MTA3: variants seen among roughly 807,000 people sequenced by gnomAD.
MTA3 encodes the protein metastasis-associated protein MTA3.
A neutral mutation model predicts 83.5 loss-of-function variants in MTA3; 34 were observed. The observed-to-expected ratio is 0.41, with a 90% CI of 0.31 to 0.54. The LOEUF is 0.54. Ranked by LOEUF, MTA3 falls within the 20% of genes least tolerant of loss-of-function variation. The pLI is 0.33. For missense variants in MTA3, 761 were observed against 726.4 expected, an observed-to-expected ratio of 1.05 and a Z score of -0.55; for synonymous variants, 303 against 252.7, an observed-to-expected ratio of 1.20 and a Z score of -1.89.
intron 11 of MTA3, chr2:42,703,400 C>G (rs1039965390): frequency 3.9e-5 from 6 of 152,162 alleles, no homozygotes; most frequent in Non-Finnish European, 1.5e-5. Context: ...CTGTTGACCC[C>G]GCAGCATCTG....
intron 16 of MTA3, among the ~76,000 whole-genome samples, chr2:42,729,359 C>T (rs1439541722): frequency 6.6e-6 from 1 of 152,074 alleles, no homozygotes; most frequent in Non-Finnish European, 1.5e-5. Context: ...CCTCGGTCTC[C>T]CAAAGTGCTG....
chr2:42,573,000 T>C (rs1432720616), intron 2 of MTA3, among the ~76,000 whole-genome samples: 1 of 152,138 alleles, frequency 6.6e-6, no homozygotes, highest in East Asian at 1.9e-4. Flanking sequence ...AGTGCTGGGA[T>C]TACAGGTGTG....
intron 2 of MTA3, among the ~76,000 whole-genome samples, chr2:42,545,206 T>C (rs1452095194): frequency 6.6e-6 from 1 of 152,094 alleles, no homozygotes; most frequent in Non-Finnish European, 1.5e-5. Flanking sequence ...AGTGAGACCC[T>C]GTCTCTACCA....
In MTA3 at chr2:42,755,952, G is replaced by A. The variant is rs571499499; in HGVS notation, c.*2553G>A. On this transcript the variant is annotated 3_prime_UTR_variant, in exon 17 of 17. Coordinates refer to ENST00000405094, the MANE Select transcript of MTA3 (RefSeq NM_001330442.2). ...GGAGGGCCGACTGGAGGGTGTCGCC[G>A]GAAGGTTTCAGCCTGCCCTTCACAA... The A allele has an allele frequency of 9.1e-6, 9 of 985,500 alleles. No individual in the cohort carries two copies. The highest frequency in any genetic ancestry group is 1.1e-4 in the East Asian group (1 of 8,816). 61.0% of individuals were successfully genotyped at this position (985,500 alleles called of 1,614,324 possible).
intron 4 of MTA3, among the ~76,000 whole-genome samples, chr2:42,633,667 G>A (rs1481480695): frequency 6.6e-6 from 1 of 151,932 alleles, no homozygotes; most frequent in Admixed American, 6.6e-5. Context: ...CGAGGCGGGC[G>A]GATCACAAGG....
At position 42,742,169 on chromosome 2, in the gene MTA3, C is replaced by T. The variant is rs549080936; in HGVS notation, c.1760-11205C>T. ...TTTTTTTTTTTTTGAGAAGCAGACT[C>T]GCCCTGTTGCCCAGGCTGAAGTGCA... On this transcript the variant is annotated intron_variant, in intron 16 of 16. Transcript: ENST00000405094. 5.3e-5 allele frequency among the ~76,000 whole-genome samples: 8 copies of T among 150,090 alleles called. No individual in the cohort carries two copies. The South Asian group carries it at 8.4e-4, about 16-fold the overall frequency.
chr2:42,581,459 C>T (rs1259151609), intron 3 of MTA3, among the ~76,000 whole-genome samples: 1 of 140,024 alleles, frequency 7.1e-6, no homozygotes. Context: ...AGCCTTGAAT[C>T]AAGCCTTGGC....
intron 2 of MTA3, among the ~76,000 whole-genome samples, chr2:42,556,453 G>T (rs1248109781): frequency 1.3e-5 from 2 of 152,188 alleles, no homozygotes; most frequent in African/African-American, 4.8e-5. Context: ...TAAATATTTA[G>T]TTTAATCAGC....
At chr2:42,616,569 CTTCTTTTTTTT>C (rs1684915780) in intron 4 of MTA3, among the ~76,000 whole-genome samples, 2 of 75,328 alleles carry the variant, frequency 2.7e-5, no homozygotes, top group African/African-American at 1.1e-4. Flanking sequence ...TCTTCTTCTT[CTTCTTTTTTTT>C]TTTTTTTTTT....
intron 5 of MTA3, among the ~76,000 whole-genome samples, chr2:42,640,817 A>G (rs886436715): frequency 1.3e-5 from 2 of 152,208 alleles, no homozygotes; most frequent in East Asian, 1.9e-4. Flanking sequence ...CATCATTTGT[A>G]TGGTGGGAAA....
intron 5 of MTA3, 109 bp from the exon 6 acceptor site, chr2:42,644,018 T>G (rs1687934496): frequency 3.4e-6 from 2 of 593,196 alleles, no homozygotes; most frequent in African/African-American, 3.9e-5. Context: ...AAAATGAAAT[T>G]TTATATACTC....
chr2:42,576,260 G>A (rs920926033), intron 2 of MTA3, among the ~76,000 whole-genome samples: 1 of 152,108 alleles, frequency 6.6e-6, no homozygotes, highest in African/African-American at 2.4e-5. Flanking sequence ...CTTCTAAGAA[G>A]GCAAGAACCT....
intron 2 of MTA3, among the ~76,000 whole-genome samples, chr2:42,502,607 T>C (rs1445797565): frequency 1.3e-5 from 2 of 152,096 alleles, no homozygotes; most frequent in Non-Finnish European, 2.9e-5. Context: ...GAGACCAGCC[T>C]GGCCAACATG....
chr2:42,556,915 G>A (rs553933671), intron 2 of MTA3, among the ~76,000 whole-genome samples: 1 of 152,100 alleles, frequency 6.6e-6, no homozygotes, highest in African/African-American at 2.4e-5. Context: ...AAGGGCACCC[G>A]ATTTCCAGAT....
intron 4 of MTA3, among the ~76,000 whole-genome samples, chr2:42,618,554 T>C (rs1166794530): frequency 6.6e-6 from 1 of 152,218 alleles, no homozygotes; most frequent in Non-Finnish European, 1.5e-5. Context: ...TCTCTCCTTA[T>C]CTGTAATTGC....
At chr2:42,564,995 C>T (rs1330199326), upstream of MTA3, among the ~76,000 whole-genome samples, 2 of 152,106 alleles carry the variant, frequency 1.3e-5, no homozygotes, top group Non-Finnish European at 2.9e-5. Flanking sequence ...CCAGGCTGGT[C>T]TCGAACTCCT....
intron 6 of MTA3, among the ~76,000 whole-genome samples, chr2:42,647,360 A>C (rs1194022775): frequency 6.6e-6 from 1 of 151,590 alleles, no homozygotes; most frequent in African/African-American, 2.4e-5. Context: ...AGTAGCTGGG[A>C]TTACAGGCAT....
chr2:42,726,355 T>A (rs1481932770), intron 16 of MTA3, among the ~76,000 whole-genome samples: 3 of 151,856 alleles, frequency 2.0e-5, no homozygotes, highest in Non-Finnish European at 2.9e-5. Flanking sequence ...TTTTTTTTTT[T>A]AATTTTATTA....
intron 2 of MTA3, among the ~76,000 whole-genome samples, chr2:42,529,552 T>C (rs946692596): frequency 2.0e-5 from 3 of 152,228 alleles, no homozygotes; most frequent in Non-Finnish European, 4.4e-5. Context: ...TTACTGTTTC[T>C]TCAGTGATTG....
Sources: allele counts gnomAD v4.1 joint callset (sites outside exome capture counted in the v4.1 genomes callset), GRCh38; gene constraint gnomAD v4.1.1; transcripts MANE v1.5; gene names NCBI Gene and HGNC (gene_info 2026-07-23, HGNC 2026-07-21).